The following ARHGAP26 variants were observed in gnomAD, a reference collection of about 807,000 sequenced individuals.
ARHGAP26 encodes the protein rho GTPase-activating protein 26.
A neutral mutation model predicts 104.8 loss-of-function variants in ARHGAP26; 38 were observed. That is an observed-to-expected ratio of 0.36 (90% CI 0.28 to 0.48). The LOEUF (loss-of-function observed/expected upper bound fraction) is 0.48. Ranked by LOEUF, ARHGAP26 falls within the 20% of genes least tolerant of loss-of-function variation. The pLI is 0.99. For missense variants in ARHGAP26, 704 were observed against 947.9 expected (o/e 0.74, Z 3.38); for synonymous variants, 341 against 340.0 (o/e 1.00, Z -0.03).
chr5:143,012,854 C>T (rs369968718), intron 11 of ARHGAP26, among the ~76,000 whole-genome samples: 1 of 151,736 alleles, frequency 6.6e-6, no homozygotes, highest in East Asian at 1.9e-4. Context: ...CGGAGTTTCA[C>T]CATGTTAGCC....
chr5:142,914,378 G>C (rs1319141585), intron 10 of ARHGAP26, among the ~76,000 whole-genome samples: 1 of 152,218 alleles, frequency 6.6e-6, no homozygotes, highest in East Asian at 1.9e-4. Context: ...AGACAACCTG[G>C]GTTCAAATTT....
intron 17 of ARHGAP26, among the ~76,000 whole-genome samples, chr5:143,076,600 T>C (rs1789067670): frequency 6.6e-6 from 1 of 152,218 alleles, no homozygotes; most frequent in Non-Finnish European, 1.5e-5. Context: ...CCCTGTTCAG[T>C]TCCCTTTGCT....
At chr5:142,910,504 T>C (rs893052424) in intron 9 of ARHGAP26, among the ~76,000 whole-genome samples, 4 of 152,344 alleles carry the variant, frequency 2.6e-5, no homozygotes, top group Non-Finnish European at 5.9e-5. Context: ...CTTGGGAGGC[T>C]GAGGCAGGTG....
At chr5:143,082,929 G>C (rs1383422339) in intron 17 of ARHGAP26, among the ~76,000 whole-genome samples, 1 of 152,176 alleles carries the variant, frequency 6.6e-6, no homozygotes, top group African/African-American at 2.4e-5. Flanking sequence ...GGTTGATGTA[G>C]CTCATTTTTA....
intron 1 of ARHGAP26, among the ~76,000 whole-genome samples, chr5:142,832,069 C>T (rs983632128): frequency 6.6e-6 from 1 of 152,164 alleles, no homozygotes; most frequent in Non-Finnish European, 1.5e-5. Flanking sequence ...TACACATGTC[C>T]TTTGGTATAC....
chr5:143,082,932 C>T (rs1790024456), intron 17 of ARHGAP26, among the ~76,000 whole-genome samples: 1 of 152,176 alleles, frequency 6.6e-6, no homozygotes, highest in African/African-American at 2.4e-5. Flanking sequence ...TGATGTAGCT[C>T]ATTTTTATTT....
intron 1 of ARHGAP26, among the ~76,000 whole-genome samples, chr5:142,832,432 C>T (rs1330481887): frequency 6.6e-6 from 1 of 152,170 alleles, no homozygotes; most frequent in African/African-American, 2.4e-5. Context: ...GAGTGTAGAG[C>T]CGGAAGGCAA....
intron 20 of ARHGAP26, among the ~76,000 whole-genome samples, chr5:143,148,620 C>CA (rs1799435035): frequency 1.3e-5 from 2 of 152,114 alleles, no homozygotes; most frequent in African/African-American, 4.8e-5. Flanking sequence ...AGAAGTGGAC[C>CA]AGTGCCTCAG....
At chr5:142,934,105 C>G (rs139478386) in intron 11 of ARHGAP26, among the ~76,000 whole-genome samples, 45 of 152,132 alleles carry the variant, frequency 3.0e-4, no homozygotes, top group Non-Finnish European at 5.1e-4. Context: ...TGTCTCTCCC[C>G]CTGCCTCCAA....
chr5:143,101,449 C>T (rs1184428445), intron 17 of ARHGAP26, among the ~76,000 whole-genome samples: 1 of 152,138 alleles, frequency 6.6e-6, no homozygotes, highest in Non-Finnish European at 1.5e-5. Flanking sequence ...AGTCCTCACT[C>T]TTTCCTTTGG....
intron 20 of ARHGAP26, among the ~76,000 whole-genome samples, chr5:143,180,377 G>T (rs1165490981): frequency 2.6e-5 from 4 of 152,126 alleles, no homozygotes; most frequent in African/African-American, 9.7e-5. Flanking sequence ...GCCCACCTCA[G>T]CCTCCCAAAG....
chr5:143,112,201 G>T (rs2150722576), intron 17 of ARHGAP26, among the ~76,000 whole-genome samples: 1 of 152,286 alleles, frequency 6.6e-6, no homozygotes, highest in African/African-American at 2.4e-5. Flanking sequence ...TATAGTAAGG[G>T]ACCTGACCTA....
chr5:142,789,265 T>C (rs1026351135), intron 1 of ARHGAP26, among the ~76,000 whole-genome samples: 2 of 152,230 alleles, frequency 1.3e-5, no homozygotes, highest in Non-Finnish European at 2.9e-5. Flanking sequence ...AGTAATAGTA[T>C]AGACATTTAA....
At chr5:142,963,508 A>G (rs2152675376) in intron 11 of ARHGAP26, among the ~76,000 whole-genome samples, 1 of 152,168 alleles carries the variant, frequency 6.6e-6, no homozygotes, top group South Asian at 2.1e-4. Context: ...CAACCTTACC[A>G]GCATCTCTTA....
intron 17 of ARHGAP26, among the ~76,000 whole-genome samples, chr5:143,098,771 C>T (rs1331570728): frequency 6.6e-6 from 1 of 152,122 alleles, no homozygotes; most frequent in Non-Finnish European, 1.5e-5. Context: ...TAACTTCTCC[C>T]TCATAGAAAA....
chr5:142,848,987 A>G (rs1000046444), intron 1 of ARHGAP26, among the ~76,000 whole-genome samples: 35 of 152,168 alleles, frequency 2.3e-4, no homozygotes, highest in African/African-American at 8.4e-4. Context: ...TTGGTTTTAA[A>G]CTAGAGGTAA....
intron 5 of ARHGAP26, among the ~76,000 whole-genome samples, chr5:142,892,028 G>T (rs146941331): frequency 1.3e-5 from 2 of 151,952 alleles, no homozygotes; most frequent in African/African-American, 4.8e-5. Context: ...GTACCCGCTC[G>T]TGGGCCTGTC....
intron 1 of ARHGAP26, among the ~76,000 whole-genome samples, chr5:142,854,080 T>C (rs1394987999): frequency 4.6e-5 from 7 of 152,132 alleles, no homozygotes; most frequent in Admixed American, 2.0e-4. Flanking sequence ...TTGGGGAAAT[T>C]ATTATGTTTT....
At chr5:142,963,198 A>ATATGTGTGTGTGTGTGTGTGTGTG (rs869247749) in intron 11 of ARHGAP26, among the ~76,000 whole-genome samples, 4 of 98,328 alleles carry the variant, frequency 4.1e-5, no homozygotes, top group African/African-American at 2.4e-4. Flanking sequence ...ATATATATAT[A>ATATGTGTGTGTGTGTGTGTGTGTG]TGTGTGTGTG....
Sources: gnomAD v4.1 joint callset for allele counts (sites outside exome capture counted in the v4.1 genomes callset) on GRCh38, gnomAD v4.1.1 for gene constraint, MANE v1.5 for transcripts, NCBI Gene and HGNC (gene_info 2026-07-23, HGNC 2026-07-21) for gene names.